Variants in GPC5 observed in about 807,000 individuals in gnomAD.
GPC5 encodes the protein glypican 5.
In GPC5, 47 loss-of-function variants were observed where a neutral mutation model predicts 53.9. The observed-to-expected ratio is 0.87, with a 90% CI of 0.69 to 1.11. The LOEUF (loss-of-function observed/expected upper bound fraction) is 1.11. GPC5 is among the 50% of genes most tolerant of loss of function. The pLI is 0.00. For synonymous variants in GPC5, 286 were observed against 263.3 expected (o/e 1.09, Z -0.84); for missense variants, 748 against 713.1 (o/e 1.05, Z -0.56).
chr13:92,024,674 CTACTTAAG>C (rs2138796254), intron 6 of GPC5, among the ~76,000 whole-genome samples: 1 of 152,196 alleles, frequency 6.6e-6, no homozygotes, highest in South Asian at 2.1e-4. Flanking sequence ...AGATGTTTAT[CTACTTAAG>C]TACTTTTGAG....
intron 7 of GPC5, among the ~76,000 whole-genome samples, chr13:92,792,040 A>T (rs546885195): frequency 6.6e-4 from 101 of 152,164 alleles, no homozygotes; most frequent in Non-Finnish European, 1.1e-3. Context: ...GCTAGTGATA[A>T]GGATGAAGAG....
chr13:92,049,510 G>A (rs2041010102), intron 6 of GPC5, among the ~76,000 whole-genome samples: 1 of 152,086 alleles, frequency 6.6e-6, no homozygotes, highest in Admixed American at 6.6e-5. Context: ...AGATGTTTAT[G>A]TACCATTGAG....
intron 7 of GPC5, among the ~76,000 whole-genome samples, chr13:92,370,540 A>AAC (rs1555330962): frequency 6.9e-4 from 104 of 151,628 alleles, no homozygotes; most frequent in Middle Eastern, 3.4e-3. Flanking sequence ...GAAAAAAAAA[A>AAC]CAGCTTGTCA....
chr13:91,600,616 T>A (rs1365860695), intron 2 of GPC5, among the ~76,000 whole-genome samples: 2 of 152,092 alleles, frequency 1.3e-5, no homozygotes, highest in African/African-American at 4.8e-5. Flanking sequence ...TTTTTATTAC[T>A]ATTATTTTTT....
intron 7 of GPC5, among the ~76,000 whole-genome samples, chr13:92,471,349 G>A (rs1368788779): frequency 2.0e-5 from 3 of 152,060 alleles, no homozygotes; most frequent in Non-Finnish European, 4.4e-5. Flanking sequence ...TGAAATTTAG[G>A]TGGAGCATGC....
At chr13:91,842,704 C>CAAAA (rs58660493) in intron 5 of GPC5, among the ~76,000 whole-genome samples, 8 of 58,834 alleles carry the variant, frequency 1.4e-4, no homozygotes, top group African/African-American at 1.5e-4. Flanking sequence ...GACTCCGTCT[C>CAAAA]AAAAAAAAAA....
In GPC5 at chr13:92,866,454, C is replaced by A; in HGVS notation, c.*15C>A. ...GGATTTGGTAACTGAACTCTTCTGT[C>A]CTGACATACCTTACTGAAGTCTCGA... On this transcript the variant is annotated 3_prime_UTR_variant, in exon 8 of 8. Transcript: ENST00000377067. The A allele has an allele frequency of 6.4e-7, 1 of 1,562,908 alleles. No individual in the cohort carries two copies. The highest frequency in any genetic ancestry group is 8.7e-7 in the Non-Finnish European group (1 of 1,148,256).
intron 7 of GPC5, among the ~76,000 whole-genome samples, chr13:92,297,190 C>A (rs1346982346): frequency 6.6e-6 from 1 of 152,258 alleles, no homozygotes; most frequent in Non-Finnish European, 1.5e-5. Flanking sequence ...ACACACCAAT[C>A]AGCACCCTGT....
intron 2 of GPC5, among the ~76,000 whole-genome samples, chr13:91,499,044 T>A (rs1884474060): frequency 1.3e-5 from 2 of 150,934 alleles, no homozygotes; most frequent in African/African-American, 4.9e-5. Context: ...GCTCAGGGAG[T>A]TCCAGAGGAA....
intron 7 of GPC5, among the ~76,000 whole-genome samples, chr13:92,636,381 A>C (rs1420778042): frequency 6.6e-6 from 1 of 152,132 alleles, no homozygotes; most frequent in Non-Finnish European, 1.5e-5. Context: ...TATATATAGG[A>C]CTTATTTTGC....
chr13:91,410,339 CTTTTTTTTTTTTTT>C (rs66787310), intron 1 of GPC5, among the ~76,000 whole-genome samples: 1 of 89,838 alleles, frequency 1.1e-5, no homozygotes, highest in Non-Finnish European at 2.1e-5. Context: ...CGTTTCCATT[CTTTTTTTTTTTTTT>C]TTTTTTTTTT....
intron 7 of GPC5, among the ~76,000 whole-genome samples, chr13:92,533,711 G>A (rs1035013259): frequency 4.6e-5 from 7 of 152,060 alleles, no homozygotes; most frequent in Non-Finnish European, 8.8e-5. Flanking sequence ...ATACATTCTG[G>A]TATCAAAGCC....
At chr13:91,607,646 A>G (rs1043119395) in intron 2 of GPC5, among the ~76,000 whole-genome samples, 1 of 152,220 alleles carries the variant, frequency 6.6e-6, no homozygotes, top group African/African-American at 2.4e-5. Flanking sequence ...TACATAAACA[A>G]AAGTTTCATT....
At chr13:91,567,254 G>A (rs951889941) in intron 2 of GPC5, among the ~76,000 whole-genome samples, 7 of 152,122 alleles carry the variant, frequency 4.6e-5, no homozygotes, top group African/African-American at 1.7e-4. Flanking sequence ...GAAGCTGCAT[G>A]TGTATTTGTG....
chr13:92,205,022 G>T (rs1240293274), intron 7 of GPC5, among the ~76,000 whole-genome samples: 1 of 152,000 alleles, frequency 6.6e-6, no homozygotes, highest in African/African-American at 2.4e-5. Context: ...GGGACTACAG[G>T]TGCCCGCCAC....
intron 6 of GPC5, among the ~76,000 whole-genome samples, chr13:92,100,200 C>T (rs2041454276): frequency 6.6e-6 from 1 of 152,130 alleles, no homozygotes; most frequent in South Asian, 2.1e-4. Flanking sequence ...ATCAGGAGTT[C>T]AAGACCAACC....
At chr13:92,136,722 G>A (rs2041787437) in intron 6 of GPC5, among the ~76,000 whole-genome samples, 3 of 139,000 alleles carry the variant, frequency 2.2e-5, no homozygotes, top group African/African-American at 7.8e-5. Flanking sequence ...TGAATATGAT[G>A]AATGTTTCTC....
chr13:91,571,910 A>ATATACACACATATACGTGTGTGTG lies in GPC5; in HGVS notation c.326-121269_326-121268insCATATACGTGTGTGTGTATACACA, dbSNP rs2031861634. On this transcript the variant is annotated intron_variant, in intron 2 of 7. Transcript: ENST00000377067. ...ACGTGTGTATATACACATATTGTAT[A>ATATACACACATATACGTGTGTGTG]TATACACATATTGTATATATACACA... Among the ~76,000 whole-genome samples the ATATACACACATATACGTGTGTGTG allele has an allele frequency of 1.7e-4, 13 of 75,502 alleles. 3 individuals carry two copies. Among genetic ancestry groups the ATATACACACATATACGTGTGTGTG allele is most frequent in the African/African-American group, 9.5e-4 (13 of 13,722 alleles). The allele number at this position is 75,502 out of a possible 152,430, so 49.5% of individuals were successfully genotyped here.
chr13:92,098,781 GA>G (rs1205952316), intron 6 of GPC5, among the ~76,000 whole-genome samples: 1 of 152,148 alleles, frequency 6.6e-6, no homozygotes. Flanking sequence ...ACAGCTGTGT[GA>G]TGCTTCCTTA....
Sources: allele counts gnomAD v4.1 joint callset (sites outside exome capture counted in the v4.1 genomes callset), GRCh38; gene constraint gnomAD v4.1.1; transcripts MANE v1.5; gene names NCBI Gene and HGNC (gene_info 2026-07-23, HGNC 2026-07-21).